Variants in NRXN3 observed in about 807,000 individuals in gnomAD.
The protein encoded by NRXN3 is neurexin III.
In NRXN3, 32 loss-of-function variants were observed where a neutral mutation model predicts 137.6. That is an observed-to-expected ratio of 0.23 (90% confidence interval 0.18 to 0.31). The LOEUF is 0.31. Among genes scored for constraint, NRXN3 ranks in the 10% least tolerant of loss-of-function variants. The pLI is 1.00. For missense variants in NRXN3, 1,574 were observed against 2,062.5 expected (o/e 0.76, Z 4.59); for synonymous variants, 798 against 784.5 (o/e 1.02, Z -0.29).
chr14:79,468,874 C>G (rs1600736161), intron 16 of NRXN3, among the ~76,000 whole-genome samples: 1 of 152,160 alleles, frequency 6.6e-6, no homozygotes, highest in East Asian at 1.9e-4. Context: ...GAGTTGTGAA[C>G]TTTTCAATTT....
chr14:79,679,678 G>C (rs984161610), intron 17 of NRXN3, among the ~76,000 whole-genome samples: 1 of 152,074 alleles, frequency 6.6e-6, no homozygotes, highest in Non-Finnish European at 1.5e-5. Flanking sequence ...TGCTTCTAAG[G>C]TGATTCTAAT....
chr14:79,736,227 A>G (rs1219607092), intron 19 of NRXN3, among the ~76,000 whole-genome samples: 2 of 152,160 alleles, frequency 1.3e-5, no homozygotes, highest in African/African-American at 4.8e-5. Flanking sequence ...AATCAGATAC[A>G]TTTTACTCTC....
intron 19 of NRXN3, among the ~76,000 whole-genome samples, chr14:79,739,675 A>AG (rs1324171514): frequency 2.0e-5 from 3 of 149,974 alleles, no homozygotes; most frequent in East Asian, 3.9e-4. Flanking sequence ...AAAAAAAAAA[A>AG]AAGAACCCAG....
At chr14:78,249,109 C>T (rs1022346042) in intron 2 of NRXN3, among the ~76,000 whole-genome samples, 1 of 152,232 alleles carries the variant, frequency 6.6e-6, no homozygotes, top group Admixed American at 6.5e-5. Context: ...AAAATCTCCC[C>T]CCTCCCCTAA....
At chr14:79,390,837 G>C (rs1014863803) in intron 15 of NRXN3, among the ~76,000 whole-genome samples, 1 of 152,174 alleles carries the variant, frequency 6.6e-6, no homozygotes, top group African/African-American at 2.4e-5. Context: ...TATGGGGCCT[G>C]ATAAGAGGTG....
intron 1 of NRXN3, among the ~76,000 whole-genome samples, chr14:78,189,068 T>A (rs890873379): frequency 2.0e-5 from 3 of 152,186 alleles, no homozygotes; most frequent in Non-Finnish European, 4.4e-5. Flanking sequence ...CCCACCTAGT[T>A]GCTCAGACCT....
At chr14:79,855,630 G>A (rs2099400953) in intron 20 of NRXN3, among the ~76,000 whole-genome samples, 1 of 151,810 alleles carries the variant, frequency 6.6e-6, no homozygotes. Flanking sequence ...ATTTAAAATA[G>A]CCTCAATATA....
intron 15 of NRXN3, among the ~76,000 whole-genome samples, chr14:79,162,522 T>A (rs977707550): frequency 2.0e-5 from 3 of 151,752 alleles, no homozygotes; most frequent in African/African-American, 7.3e-5. Flanking sequence ...TGTGCATCCA[T>A]CAAAAAGTGG....
chr14:79,519,371 A>G (rs2097033863), intron 16 of NRXN3, among the ~76,000 whole-genome samples: 1 of 152,074 alleles, frequency 6.6e-6, no homozygotes, highest in Non-Finnish European at 1.5e-5. Flanking sequence ...CTTTAAATAT[A>G]TTAATTTTAC....
intron 1 of NRXN3, among the ~76,000 whole-genome samples, chr14:78,192,732 G>C (rs983353589): frequency 6.6e-6 from 1 of 152,186 alleles, no homozygotes; most frequent in African/African-American, 2.4e-5. Context: ...AGAGAGGGTG[G>C]TGTGGCTCCA....
intron 15 of NRXN3, among the ~76,000 whole-genome samples, chr14:79,177,982 T>G (rs2170047): frequency 0.9 from 136,626 of 152,254 alleles, 63,132 homozygotes; most frequent in East Asian, 1. Context: ...CAGTAACTTT[T>G]TGACCAAAAA....
At chr14:79,333,903 A>ATC (rs530587042) in intron 15 of NRXN3, among the ~76,000 whole-genome samples, 354 of 151,742 alleles carry the variant, frequency 2.3e-3, no homozygotes, top group Admixed American at 8.3e-3. Context: ...TCATGTTGCC[A>ATC]TCTCTCTCTC....
chr14:79,518,808 A>G (rs1187615271), intron 16 of NRXN3, among the ~76,000 whole-genome samples: 2 of 152,114 alleles, frequency 1.3e-5, no homozygotes, highest in African/African-American at 2.4e-5. Context: ...TGTTTCCACA[A>G]TCATTATGAG....
chr14:79,219,511 C>T (rs1465655456), intron 15 of NRXN3, among the ~76,000 whole-genome samples: 1 of 152,098 alleles, frequency 6.6e-6, no homozygotes, highest in Non-Finnish European at 1.5e-5. Context: ...ATTAGCATTG[C>T]TTTGGTGGAA....
At chr14:78,697,586 T>A (rs1226853844) in intron 6 of NRXN3, among the ~76,000 whole-genome samples, 1 of 151,964 alleles carries the variant, frequency 6.6e-6, no homozygotes, top group African/African-American at 2.4e-5. Flanking sequence ...TCTGCAGATT[T>A]ACTAAAGGTA....
chr14:78,390,815 C>T (rs1218184832), intron 4 of NRXN3, among the ~76,000 whole-genome samples: 2 of 152,102 alleles, frequency 1.3e-5, no homozygotes, highest in African/African-American at 2.4e-5. Flanking sequence ...GATACATGTG[C>T]AGGATGTGCA....
chr14:78,191,644 G>T (rs1219785627), intron 1 of NRXN3, among the ~76,000 whole-genome samples: 1 of 152,192 alleles, frequency 6.6e-6, no homozygotes, highest in Non-Finnish European at 1.5e-5. Context: ...TGGCTTGGAA[G>T]TTTCCTTCCA....
intron 15 of NRXN3, among the ~76,000 whole-genome samples, chr14:79,373,521 T>G (rs894379865): frequency 6.6e-6 from 1 of 152,244 alleles, no homozygotes; most frequent in African/African-American, 2.4e-5. Context: ...CATTACTTGA[T>G]TATTTTACTG....
intron 10 of NRXN3, among the ~76,000 whole-genome samples, chr14:78,832,108 C>T (rs898563812): frequency 2.0e-5 from 3 of 151,758 alleles, no homozygotes; most frequent in Admixed American, 6.6e-5. Flanking sequence ...CTTTCAAAAA[C>T]GAATGGAACT....
Sources: allele counts gnomAD v4.1 joint callset (sites outside exome capture counted in the v4.1 genomes callset), GRCh38; gene constraint gnomAD v4.1.1; transcripts MANE v1.5; gene names NCBI Gene and HGNC (gene_info 2026-07-23, HGNC 2026-07-21).